Variants in LRRC31 observed in about 807,000 individuals in gnomAD.
The protein encoded by LRRC31 is leucine-rich repeat-containing protein 31.
LRRC31 carries 35 observed loss-of-function variants against 46.7 expected under a neutral mutation model. The ratio of observed to expected loss-of-function variants is 0.75; its 90% CI spans 0.57 to 0.99. The LOEUF (loss-of-function observed/expected upper bound fraction) is 0.99. Ranked by LOEUF, LRRC31 falls within the 50% of genes least tolerant of loss-of-function variation. The pLI, the probability that LRRC31 is intolerant of heterozygous loss-of-function variation, is 0.00. For synonymous variants in LRRC31, 236 were observed against 235.1 expected (o/e 1.00, Z -0.03); for missense variants, 613 against 626.1 (o/e 0.98, Z 0.22).
At chr3:169,865,955 A>C (rs1781316806) in intron 1 of LRRC31, among the ~76,000 whole-genome samples, 1 of 152,114 alleles carries the variant, frequency 6.6e-6, no homozygotes, top group Non-Finnish European at 1.5e-5. Context: ...AGGGAATTAT[A>C]AGTAAATCAG....
chr3:169,856,867 C>T lies in LRRC31; in HGVS notation c.493G>A (p.Ala165Thr), dbSNP rs1393996739. ...TCAAGTTCAGGAATCATCTCAAATG[C>T]TTCTCCTGTTAACAAATGGCCCGAA... ...TTDDVQALGE[A>T]FEMIPELEEL... is the part of the protein sequence containing the mutation. The change falls in exon 4 of 9, where the codon GCA (alanine) becomes ACA (threonine). Residue 165 changes from alanine (A) to threonine (T), a missense_variant. Physicochemically the swap from Ala to Thr is moderately conservative, Grantham distance 58 (BLOSUM62 0). Coordinates refer to ENST00000316428, the MANE Select transcript of LRRC31 (RefSeq NM_024727.4). 1.2e-6 allele frequency: 2 copies of T among 1,602,384 alleles called. No homozygotes were observed. Among genetic ancestry groups the T allele is most frequent in the South Asian group, 2.3e-5 (2 of 88,288 alleles).
intron 8 of LRRC31, among the ~76,000 whole-genome samples, chr3:169,843,917 C>T (rs1414201363): frequency 6.6e-6 from 1 of 152,158 alleles, no homozygotes; most frequent in African/African-American, 2.4e-5. Context: ...CTGGAATAGT[C>T]CTAGCTCTAT....
chr3:169,840,430 T>A, intron 8 of LRRC31, 117 bp from the exon 9 acceptor site: 1 of 1,095,470 alleles, frequency 9.1e-7, no homozygotes, highest in Non-Finnish European at 1.3e-6. Flanking sequence ...TAATTAGTAA[T>A]GATTTGTTAT....
intron 3 of LRRC31, among the ~76,000 whole-genome samples, chr3:169,859,327 A>C (rs1368689953): frequency 6.7e-6 from 1 of 148,682 alleles, no homozygotes; most frequent in Non-Finnish European, 1.5e-5. Flanking sequence ...GCGGGTAGGC[A>C]CTAGGATTTG....
Position 169,869,821 on chromosome 3 carries a change from G to C in LRRC31, c.-14C>G, listed in dbSNP as rs752709123. The C allele has an allele frequency of 7.5e-5, 120 of 1,598,310 alleles. No individual in the cohort carries two copies. The highest frequency in any genetic ancestry group is 9.6e-5 in the Non-Finnish European group (113 of 1,174,358). The stretch of plus-strand genomic sequence containing the variant: ...TGTTTGACTCATGGTGAAGTTGATG[G>C]GGGTAGTTCCCAATAAGACATCTTC... On this transcript the variant is annotated 5_prime_UTR_variant, in exon 1 of 9. Transcript: ENST00000316428.
In LRRC31 at chr3:169,851,692, G is replaced by C; in HGVS notation, c.1086C>G (p.Leu362=). Residue 362 remains leucine, a synonymous_variant, in exon 7 of 9, where the codon CTC becomes CTG. Coordinates refer to ENST00000316428, the MANE Select transcript of LRRC31 (RefSeq NM_024727.4). The stretch of plus-strand genomic sequence containing the variant: ...ATGACTTCAATGCTGGTAAAAATCG[G>C]AGCCTGCTGAGTAAGTTTTCAGAAG... ...GSSSENLLSR[L]RFLPALKSLV... is the part of the protein sequence containing the mutation. The C allele has an allele frequency of 6.2e-7, 1 of 1,614,148 alleles. No homozygotes were observed. Among genetic ancestry groups the C allele is most frequent in the Non-Finnish European group, 8.5e-7 (1 of 1,180,032 alleles).
intron 1 of LRRC31, among the ~76,000 whole-genome samples, chr3:169,866,700 C>T (rs982515884): frequency 6.0e-4 from 91 of 152,146 alleles, no homozygotes; most frequent in Non-Finnish European, 1.1e-3. Context: ...CTGGCCAGGC[C>T]TGTAATCCCA....
chr3:169,861,193 C>T (rs1167166539), intron 2 of LRRC31, among the ~76,000 whole-genome samples: 1 of 150,980 alleles, frequency 6.6e-6, no homozygotes, highest in Non-Finnish European at 1.5e-5. Context: ...CTCAGCCTCC[C>T]GAGTGGCTGG....
rs766040322 is a variant in LRRC31, at chr3:169,860,668, A to G, written c.380T>C (p.Val127Ala). ...AGTGATGGAAAGGAGGGTTCCACCT[A>G]CAAAACCATTCCAGGAGATATCCAG... is the stretch of plus-strand genomic sequence containing the variant. ...EELDISWNGF[V>A]GGTLLSITQQ... The change falls in exon 3 of 9, where the codon GTA (valine) becomes GCA (alanine). Residue 127 changes from valine to alanine, a missense_variant. By Grantham distance (64) the Val-to-Ala change is moderately conservative. Coordinates refer to ENST00000316428, the MANE Select transcript of LRRC31 (RefSeq NM_024727.4). 1.2e-6 allele frequency: 2 copies of G among 1,614,198 alleles called. No individual in the cohort carries two copies. Among genetic ancestry groups the G allele is most frequent in the South Asian group, 2.2e-5 (2 of 91,088 alleles).
At chr3:169,862,104 T>C (rs549195290) in intron 1 of LRRC31, among the ~76,000 whole-genome samples, 1 of 152,288 alleles carries the variant, frequency 6.6e-6, no homozygotes, top group South Asian at 2.1e-4. Context: ...GGGTGAGAAG[T>C]AAACCTGTCA....
rs144038208 is a variant in LRRC31, at chr3:169,857,415, C to CATATATACATATATATATATATAT, written c.488-544_488-543insATATATATATATATATGTATATAT. The stretch of plus-strand genomic sequence containing the variant: ...ATACATACACACACATATACATATA[C>CATATATACATATATATATATATAT]ATATATATATATATGAGGAATATCA... On this transcript the variant is annotated intron_variant, in intron 3 of 8. Transcript: ENST00000316428. Among the ~76,000 whole-genome samples, 156 of 98,670 alleles carry CATATATACATATATATATATATAT rather than the reference C, an allele frequency of 1.6e-3. 8 individuals are homozygous for CATATATACATATATATATATATAT. Among genetic ancestry groups the CATATATACATATATATATATATAT allele is most frequent in the African/African-American group, 2.6e-3 (73 of 27,622 alleles). The allele number at this position is 98,670 out of a possible 152,430, so 64.7% of individuals were successfully genotyped here. A position where few individuals can be genotyped will look rare whatever the true frequency, so the allele number is the denominator to read the frequency against.
chr3:169,866,318 A>G (rs1781331709), intron 1 of LRRC31, among the ~76,000 whole-genome samples: 1 of 152,142 alleles, frequency 6.6e-6, no homozygotes, highest in Non-Finnish European at 1.5e-5. Flanking sequence ...GACAGAATTA[A>G]CATGACTCCA....
rs1335430873 is a variant in LRRC31 at position 169,867,163 on chromosome 3, A to T, written c.175+2470T>A. On this transcript the variant is annotated intron_variant, in intron 1 of 8. Transcript: ENST00000316428. The stretch of plus-strand genomic sequence containing the variant: ...CCTCTAAAATTCAAGCGATCCTCCC[A>T]CCTCAGCCTCCAGAGTAGCTAGGAC... Among the ~76,000 whole-genome samples the T allele has an allele frequency of 2.1e-5, 3 of 145,356 alleles. No individual in the cohort carries two copies. The East Asian group carries it at 6.0e-4, about 29-fold the overall frequency.
intron 5 of LRRC31, among the ~76,000 whole-genome samples, chr3:169,855,237 A>T (rs760593667): frequency 3.3e-5 from 5 of 152,130 alleles, no homozygotes; most frequent in African/African-American, 9.7e-5. Context: ...CCTGGCCAAG[A>T]TGGTGAAACC....
rs1451252838 is a variant in LRRC31 at position 169,861,740 on chromosome 3, G to C, written c.249C>G (p.Gly83=). ...CTAGACACTTGTTGACAGCCTTTTT[G>C]CCCAGCTTCTGCAGGAAATGCTCAT... ...EKNEHFLQKL[G]KKAVNKCLDL... is the part of the protein sequence containing the mutation. Residue 83 remains glycine, a synonymous_variant, in exon 2 of 9, where the codon GGC becomes GGG. Transcript: ENST00000316428. The C allele has an allele frequency of 6.2e-7, 1 of 1,613,932 alleles. No homozygotes were observed. Among genetic ancestry groups the C allele is most frequent in the East Asian group, 2.2e-5 (1 of 44,894 alleles).
chr3:169,853,248 T>A, intron 6 of LRRC31: 1 of 985,344 alleles, frequency 1.0e-6, no homozygotes, highest in Non-Finnish European at 1.2e-6. Flanking sequence ...TATAATTCCA[T>A]TTCTTTGGAG....
chr3:169,861,604 GT>G, intron 2 of LRRC31, 65 bp downstream of exon 2: 8 of 1,549,780 alleles, frequency 5.2e-6, no homozygotes, highest in Non-Finnish European at 7.0e-6. Flanking sequence ...AGCTGAGTAT[GT>G]TTTATCTGCT....
At chr3:169,854,690 T>C (rs1236146321) in intron 6 of LRRC31, 123 bp downstream of exon 6, 4 of 750,988 alleles carry the variant, frequency 5.3e-6, no homozygotes, top group African/African-American at 5.2e-5. Context: ...AGAACTGTTA[T>C]GAATTGATCT....
chr3:169,849,746 C>T (rs1346622857), intron 7 of LRRC31, among the ~76,000 whole-genome samples: 2 of 152,234 alleles, frequency 1.3e-5, no homozygotes, highest in African/African-American at 2.4e-5. Flanking sequence ...AGTCATCTAG[C>T]TACCCTCCGC....
Sources: gnomAD v4.1 joint callset for allele counts (sites outside exome capture counted in the v4.1 genomes callset) on GRCh38, gnomAD v4.1.1 for gene constraint, MANE v1.5 for transcripts, NCBI Gene and HGNC (gene_info 2026-07-23, HGNC 2026-07-21) for gene names.